Variants in CSNK2A2IP observed in about 807,000 individuals in gnomAD.
CSNK2A2IP encodes casein kinase 2 subunit alpha' interacting protein.
the CSNK2A2IP span, among the ~76,000 whole-genome samples, chr3:88,396,755 T>C: frequency 6.6e-6 from 1 of 152,190 alleles, no homozygotes; most frequent in Admixed American, 6.5e-5. Context: ...AAGATTATAA[T>C]AGTTACATTT....
chr3:88,460,016 T>C, the CSNK2A2IP span, among the ~76,000 whole-genome samples: 2 of 152,164 alleles, frequency 1.3e-5, no homozygotes, highest in Non-Finnish European at 2.9e-5. Context: ...AATGTCTGAA[T>C]GACATACAGC....
chr3:88,456,621 A>G, the CSNK2A2IP span, among the ~76,000 whole-genome samples: 1 of 144,762 alleles, frequency 6.9e-6, no homozygotes, highest in Non-Finnish European at 1.5e-5. Flanking sequence ...ATGTATGATT[A>G]TGTTATCTGC....
At chr3:88,407,958 G>A in the CSNK2A2IP span, among the ~76,000 whole-genome samples, 3 of 151,958 alleles carry the variant, frequency 2.0e-5, no homozygotes, top group Non-Finnish European at 2.9e-5. Context: ...CCTTAGCTCA[G>A]GTGATCCACC....
the CSNK2A2IP span, among the ~76,000 whole-genome samples, chr3:88,358,285 T>C: frequency 1.4e-5 from 2 of 140,336 alleles, no homozygotes; most frequent in African/African-American, 5.1e-5. Flanking sequence ...TCTGCAAAGA[T>C]AATTTGACTT....
the CSNK2A2IP span, among the ~76,000 whole-genome samples, chr3:88,352,880 T>C: frequency 6.6e-6 from 1 of 152,176 alleles, no homozygotes; most frequent in African/African-American, 2.4e-5. Flanking sequence ...CTCAATATGA[T>C]ATTGAGGTGT....
chr3:88,415,234 G>C, the CSNK2A2IP span, among the ~76,000 whole-genome samples: 4 of 151,904 alleles, frequency 2.6e-5, no homozygotes, highest in Non-Finnish European at 5.9e-5. Context: ...AATTTTGCAA[G>C]TAACATTATT....
chr3:88,466,339 CT>C, the CSNK2A2IP span: 7 of 1,231,792 alleles, frequency 5.7e-6, no homozygotes, highest in Non-Finnish European at 7.1e-6. Flanking sequence ...AATGTTTATG[CT>C]TGATTGTAAC....
the CSNK2A2IP span, among the ~76,000 whole-genome samples, chr3:88,455,205 C>A: frequency 1.3e-5 from 2 of 151,890 alleles, no homozygotes; most frequent in East Asian, 3.9e-4. Flanking sequence ...CTTGGAGATG[C>A]CAATTTAATT....
the CSNK2A2IP span, among the ~76,000 whole-genome samples, chr3:88,436,971 A>G: frequency 6.6e-6 from 1 of 152,272 alleles, no homozygotes; most frequent in African/African-American, 2.4e-5. Flanking sequence ...CTTCTAGTCA[A>G]AATTCTTAGT....
the CSNK2A2IP span, among the ~76,000 whole-genome samples, chr3:88,389,709 G>T: frequency 6.6e-6 from 1 of 152,126 alleles, no homozygotes; most frequent in African/African-American, 2.4e-5. Flanking sequence ...GGCAAAGATG[G>T]TAAGGAGAGG....
At chr3:88,376,239 C>CAT in the CSNK2A2IP span, among the ~76,000 whole-genome samples, 1 of 151,618 alleles carries the variant, frequency 6.6e-6, no homozygotes, top group African/African-American at 2.4e-5. Flanking sequence ...CATTGTACTC[C>CAT]TCTCCCACTC....
the CSNK2A2IP span, among the ~76,000 whole-genome samples, chr3:88,392,825 C>T: frequency 6.6e-6 from 1 of 152,098 alleles, no homozygotes; most frequent in Non-Finnish European, 1.5e-5. Flanking sequence ...GGGTTGAGGA[C>T]AGATGCTTTT....
the CSNK2A2IP span, among the ~76,000 whole-genome samples, chr3:88,379,444 C>T: frequency 1.1e-4 from 16 of 152,068 alleles, no homozygotes; most frequent in African/African-American, 3.9e-4. Context: ...AGGTCACTTT[C>T]TGGAGTCCTT....
the CSNK2A2IP span, among the ~76,000 whole-genome samples, chr3:88,447,439 A>T: frequency 5.3e-3 from 806 of 152,246 alleles, 20 homozygotes; most frequent in Non-Finnish European, 2.9e-3. Context: ...ATAAATTTTT[A>T]AAAATAATTC....
At chr3:88,429,545 C>T in the CSNK2A2IP span, among the ~76,000 whole-genome samples, 3 of 151,182 alleles carry the variant, frequency 2.0e-5, no homozygotes, top group Non-Finnish European at 2.9e-5. Context: ...CTCAAAATTA[C>T]TTGTTATTCA....
the CSNK2A2IP span, among the ~76,000 whole-genome samples, chr3:88,463,157 T>G: frequency 1.2e-4 from 19 of 152,170 alleles, no homozygotes; most frequent in African/African-American, 4.6e-4. Flanking sequence ...TGGTAAGTCA[T>G]GGAAACACAG....
At chr3:88,422,037 T>C in the CSNK2A2IP span, among the ~76,000 whole-genome samples, 3 of 152,238 alleles carry the variant, frequency 2.0e-5, no homozygotes, top group Admixed American at 6.5e-5. Flanking sequence ...CATCTTTTGC[T>C]ACATCTGAGA....
At chr3:88,360,465 A>C in the CSNK2A2IP span, among the ~76,000 whole-genome samples, 1 of 152,036 alleles carries the variant, frequency 6.6e-6, no homozygotes, top group Non-Finnish European at 1.5e-5. Flanking sequence ...ATTTTATCTC[A>C]TGTAAGTATA....
At chr3:88,406,934 G>A in the CSNK2A2IP span, among the ~76,000 whole-genome samples, 1 of 152,230 alleles carries the variant, frequency 6.6e-6, no homozygotes, top group African/African-American at 2.4e-5. Context: ...CCGACACGGA[G>A]GTGAGGGGGA....
Sources: gnomAD v4.1 joint callset for allele counts (sites outside exome capture counted in the v4.1 genomes callset) on GRCh38, gnomAD v4.1.1 for gene constraint, MANE v1.5 for transcripts, NCBI Gene and HGNC (gene_info 2026-07-23, HGNC 2026-07-21) for gene names.